ITGA11: variants seen among roughly 807,000 people sequenced by gnomAD.
ITGA11 encodes integrin subunit alpha 11.
Under a neutral mutation model 141.9 loss-of-function variants are expected in ITGA11, and 97 were observed. That is an observed-to-expected ratio of 0.68 (90% CI 0.58 to 0.81). ITGA11 has a LOEUF of 0.81. Among genes scored for constraint, ITGA11 ranks in the 30% least tolerant of loss-of-function variants. The pLI is 0.00. For missense variants in ITGA11, 1,387 were observed against 1,559.2 expected (o/e 0.89, Z 1.86); for synonymous variants, 658 against 624.6 (o/e 1.05, Z -0.80).
intron 3 of ITGA11, among the ~76,000 whole-genome samples, chr15:68,368,052 C>T (rs767609086): frequency 5.9e-5 from 9 of 152,330 alleles, no homozygotes; most frequent in East Asian, 1.9e-4. Flanking sequence ...CGGGAGCCTC[C>T]GGGACCATGT....
chr15:68,393,860 G>A (rs1028159186), intron 2 of ITGA11, among the ~76,000 whole-genome samples: 7 of 152,130 alleles, frequency 4.6e-5, no homozygotes, highest in Admixed American at 4.6e-4. Flanking sequence ...TAACAATAAT[G>A]TCTTGTGGAA....
Position 68,326,844 on chromosome 15 carries a change from A to T in ITGA11, c.2069-48T>A. 6.5e-7 allele frequency: 1 copy of T among 1,533,602 alleles called. No individual in the cohort carries two copies. The highest frequency in any genetic ancestry group is 8.8e-7 in the Non-Finnish European group (1 of 1,136,072). The allele number at this position is 1,533,602 out of a possible 1,614,324, so 95.0% of individuals were successfully genotyped here. A position where few individuals can be genotyped will look rare whatever the true frequency, so the allele number is the denominator to read the frequency against. ...ACCACAAAGGTGGAGCCACATGCCC[A>T]TCCAAGACTGTCTGCCTCCTCCAGG... On this transcript the variant is annotated intron_variant, in intron 16 of 29. Coordinates refer to ENST00000315757, the MANE Select transcript of ITGA11 (RefSeq NM_001004439.2). The surrounding 1 kb of genome is among the most constrained non-coding windows in gnomAD (Gnocchi z 6.8).
rs1421682130 is a variant in ITGA11 at position 68,350,607 on chromosome 15, C to G, written c.1060+10G>C. The G allele has an allele frequency of 6.2e-7, 1 of 1,610,850 alleles. No homozygotes were observed. Among genetic ancestry groups the G allele is most frequent in the Non-Finnish European group, 8.5e-7 (1 of 1,178,080 alleles). On this transcript the variant is annotated intron_variant, in intron 9 of 29. Transcript: ENST00000315757. The stretch of plus-strand genomic sequence containing the variant: ...AGAGAGTGGATCCCCTCTTAGCATG[C>G]ATTGCTTACCTTCCAGGCTGAAGAT...
chr15:68,394,931 G>A (rs566783671), intron 2 of ITGA11, among the ~76,000 whole-genome samples: 42 of 152,156 alleles, frequency 2.8e-4, no homozygotes, highest in African/African-American at 9.9e-4. Context: ...CAAGATGGCC[G>A]AATAGGAACA....
chr15:68,338,289 T>G (rs1320827030), intron 11 of ITGA11, among the ~76,000 whole-genome samples: 1 of 152,266 alleles, frequency 6.6e-6, no homozygotes, highest in African/African-American at 2.4e-5. Context: ...TCTCCTTTAT[T>G]TGTGCTTTTA....
chr15:68,325,654 C>T lies in ITGA11; in HGVS notation c.2212-413G>A, dbSNP rs373452838. 6.6e-6 allele frequency among the ~76,000 whole-genome samples: 1 copy of T among 152,178 alleles called. No homozygotes were observed. The highest frequency in any genetic ancestry group is 1.5e-5 in the Non-Finnish European group (1 of 68,022). On this transcript the variant is annotated intron_variant, in intron 17 of 29. Transcript: ENST00000315757. This position sits in a 1 kb window ranked among gnomAD's most constrained non-coding sequence, Gnocchi z 5.5. Reference sequence around the variant, plus strand: ...ATATGACTGTGTGTCACTCTTCCTTCCCAAGCAAGGAATAGGCCTGGAGCC... The same window carrying T: ...ATATGACTGTGTGTCACTCTTCCTTTCCAAGCAAGGAATAGGCCTGGAGCC...
intron 2 of ITGA11, among the ~76,000 whole-genome samples, chr15:68,370,034 C>T (rs1895539086): frequency 6.6e-6 from 1 of 152,112 alleles, no homozygotes; most frequent in South Asian, 2.1e-4. Context: ...GGAGATGCTG[C>T]CCCAAGCCAA....
intron 2 of ITGA11, among the ~76,000 whole-genome samples, chr15:68,384,317 A>G (rs1295469784): frequency 2.6e-5 from 4 of 152,056 alleles, no homozygotes; most frequent in Non-Finnish European, 5.9e-5. Flanking sequence ...AAGAGGAAAA[A>G]AAATCACCCA....
intron 2 of ITGA11, among the ~76,000 whole-genome samples, chr15:68,394,290 T>G (rs1023021317): frequency 6.6e-6 from 1 of 152,134 alleles, no homozygotes; most frequent in Non-Finnish European, 1.5e-5. Flanking sequence ...GGAATTGAAT[T>G]AGAAATATAA....
chr15:68,431,043 CAGTA>C (rs1397344191), intron 1 of ITGA11, among the ~76,000 whole-genome samples: 1 of 152,274 alleles, frequency 6.6e-6, no homozygotes, highest in Non-Finnish European at 1.5e-5. Context: ...CACACCCGGC[CAGTA>C]ACCGAGGCGC....
chr15:68,355,545 C>T (rs577992269), intron 7 of ITGA11, among the ~76,000 whole-genome samples: 17 of 151,878 alleles, frequency 1.1e-4, no homozygotes, highest in African/African-American at 4.1e-4. Flanking sequence ...CTCCTGGGCT[C>T]AAGTGATCCT....
intron 11 of ITGA11, chr15:68,336,104 G>A: frequency 1.8e-6 from 1 of 547,034 alleles, no homozygotes; most frequent in East Asian, 3.1e-5. Flanking sequence ...AATAAAGGAA[G>A]CCAGGTGGGA....
intron 11 of ITGA11, among the ~76,000 whole-genome samples, chr15:68,336,784 T>C (rs72743232): frequency 0.13 from 19,057 of 152,246 alleles, 1,307 homozygotes; most frequent in Non-Finnish European, 0.15. Context: ...AGTGTGTGTG[T>C]GCACATATAT....
intron 1 of ITGA11, among the ~76,000 whole-genome samples, chr15:68,427,101 T>G (rs1015316245): frequency 6.6e-6 from 1 of 150,874 alleles, no homozygotes; most frequent in African/African-American, 2.4e-5. Context: ...CGACATGACC[T>G]TGGATGAGCC....
intron 1 of ITGA11, among the ~76,000 whole-genome samples, chr15:68,419,070 G>A (rs1427062150): frequency 2.6e-5 from 4 of 152,000 alleles, no homozygotes; most frequent in African/African-American, 4.8e-5. Flanking sequence ...TGCAGGGCCC[G>A]CCCTCCAGTG....
chr15:68,387,372 G>A (rs1403953040), intron 2 of ITGA11, among the ~76,000 whole-genome samples: 1 of 152,168 alleles, frequency 6.6e-6, no homozygotes, highest in Non-Finnish European at 1.5e-5. Flanking sequence ...CGCTAAGTGT[G>A]TGGTTCTCAG....
rs1077732 is a variant in ITGA11 at position 68,430,918 on chromosome 15, G to T, written c.52+1097C>A. On this transcript the variant is annotated intron_variant, in intron 1 of 29. Transcript: ENST00000315757. Reference sequence around the variant, plus strand: ...TGGGGCAAGCGGCTGCGGGATAGGGGTCTCCACCTGAGCTCCCTGAGGGCA... The same window carrying T: ...TGGGGCAAGCGGCTGCGGGATAGGGTTCTCCACCTGAGCTCCCTGAGGGCA... 8.5e-3 allele frequency among the ~76,000 whole-genome samples: 1,294 copies of T among 152,322 alleles called. 14 individuals carry two copies. Among genetic ancestry groups the T allele is most frequent in the African/African-American group, 0.028 (1,171 of 41,582 alleles).
chr15:68,430,101 G>T (rs1303080393), intron 1 of ITGA11, among the ~76,000 whole-genome samples: 2 of 152,198 alleles, frequency 1.3e-5, no homozygotes, highest in Admixed American at 1.3e-4. Context: ...AACATTGATT[G>T]ATATGTTTAA....
chr15:68,304,022 G>C lies in ITGA11; in HGVS notation c.3382-137C>G. ...CTCTTCCTCAGGGGGATACCAGAGG[G>C]ATGGGTGGACAGGCCAGCCAAGGCC... On this transcript the variant is annotated intron_variant, in intron 28 of 29. Coordinates refer to ENST00000315757, the MANE Select transcript of ITGA11 (RefSeq NM_001004439.2). The surrounding 1 kb of genome is among the most constrained non-coding windows in gnomAD (Gnocchi z 6.1). 5.1e-6 allele frequency: 3 copies of C among 588,206 alleles called. No individual in the cohort carries two copies. Among genetic ancestry groups the C allele is most frequent in the Non-Finnish European group, 9.2e-6 (3 of 327,222 alleles). The allele number at this position is 588,206 out of a possible 1,614,324, so 36.4% of individuals were successfully genotyped here.
Sources: allele counts gnomAD v4.1 joint callset (sites outside exome capture counted in the v4.1 genomes callset), GRCh38; gene constraint gnomAD v4.1.1; non-coding constraint Gnocchi (gnomAD v3.1); transcripts MANE v1.5; gene names NCBI Gene and HGNC (gene_info 2026-07-23, HGNC 2026-07-21).